Variants in ZACN observed in about 807,000 individuals in gnomAD.
ZACN encodes the protein zinc activated ion channel.
ZACN carries 52 observed loss-of-function variants against 38.9 expected under a neutral mutation model. That is an observed-to-expected ratio of 1.34 (90% CI 1.07 to 1.68). The LOEUF (loss-of-function observed/expected upper bound fraction) is 1.68, where lower values mean the gene tolerates loss of function less well. ZACN is among the 40% of genes most tolerant of loss of function. The pLI, the probability that ZACN is intolerant of heterozygous loss-of-function variation, is 0.00. For missense variants in ZACN, 559 were observed against 525.6 expected (o/e 1.06, Z -0.62); for synonymous variants, 235 against 227.4 (o/e 1.03, Z -0.30).
chr17:76,080,204 G>A (rs1238685116), intron 4 of ZACN, 51 bp from the exon 5 acceptor site: 9 of 1,563,106 alleles, frequency 5.8e-6, no homozygotes, highest in Non-Finnish European at 6.9e-6. Flanking sequence ...TCTCCCCCCG[G>A]CCCCGTCCAA....
chr17:76,082,101 T>TG (rs2067008582), intron 8 of ZACN, 52 bp downstream of exon 8: 4 of 1,536,284 alleles, frequency 2.6e-6, no homozygotes, highest in Non-Finnish European at 3.5e-6. Context: ...CACCTAGGGC[T>TG]GGGGTGAGGG....
intron 8 of ZACN, 179 bp downstream of exon 8, chr17:76,082,228 C>A (rs2067012815): frequency 1.2e-6 from 1 of 841,184 alleles, no homozygotes; most frequent in Non-Finnish European, 1.8e-6. Context: ...AGGGAGCAAG[C>A]TGAGCCTCCC....
At chr17:76,081,820 G>A (rs750555414) in intron 7 of ZACN, 62 bp from the exon 8 acceptor site, 51 of 1,610,806 alleles carry the variant, frequency 3.2e-5, no homozygotes, top group African/African-American at 6.7e-5. Context: ...TGCTCAGCTC[G>A]CTGGGCACCA....
chr17:76,082,130 G>C (rs2144571761), intron 8 of ZACN, 81 bp downstream of exon 8: 1 of 1,472,752 alleles, frequency 6.8e-7, no homozygotes, highest in Non-Finnish European at 9.1e-7. Context: ...TCCAGGTGTG[G>C]GTAGAGGCCC....
rs1436323690 is a variant in ZACN, at chr17:76,081,538, C to T, written c.670-7C>T. ...CGCCGGGAAGGCCCTGACTTTTCCC[C>T]TTCCAGCTGAGGCTGAAGAACACGG... On this transcript the variant is annotated splice_polypyrimidine_tract_variant and splice_region_variant and intron_variant, in intron 6 of 8. Coordinates refer to ENST00000334586, the MANE Select transcript of ZACN (RefSeq NM_180990.4). 2.5e-6 allele frequency: 4 copies of T among 1,613,126 alleles called. No homozygotes were observed. The Admixed American group carries it at 6.7e-5, about 27-fold the overall frequency.
In ZACN at chr17:76,082,194, C is replaced by T. The variant is rs2067011309; in HGVS notation, c.1048+145C>T. On this transcript the variant is annotated intron_variant, in intron 8 of 8. Coordinates refer to ENST00000334586, the MANE Select transcript of ZACN (RefSeq NM_180990.4). ...CCCTGGTCTCCACCATGTCCTCCTC[C>T]CTTAGAAGAAACAGGTCTGGGGCAG... 10 of 1,087,520 alleles carry T rather than the reference C, an allele frequency of 9.2e-6. No individual in the cohort carries two copies. In the East Asian group the frequency reaches 2.6e-4, roughly 28 times the overall value. The allele number at this position is 1,087,520 out of a possible 1,614,324, so 67.4% of individuals were successfully genotyped here.
intron 4 of ZACN, 100 bp downstream of exon 4, chr17:76,080,094 G>A: frequency 6.8e-7 from 1 of 1,473,506 alleles, no homozygotes; most frequent in Non-Finnish European, 9.2e-7. Context: ...GACCCTCCTG[G>A]CGGTCCCCGC....
At chr17:76,081,139 G>C in intron 5 of ZACN, 139 bp from the exon 6 acceptor site, 1 of 1,231,492 alleles carries the variant, frequency 8.1e-7, no homozygotes, top group South Asian at 1.5e-5. Context: ...CCCTTCTATG[G>C]ATCGGTTTTG....
chr17:76,082,308 C>A, intron 8 of ZACN, 155 bp from the exon 9 acceptor site: 1 of 851,288 alleles, frequency 1.2e-6, no homozygotes, highest in Non-Finnish European at 1.8e-6. Context: ...GTTTCTTCAA[C>A]TGAAGATGGC....
At chr17:76,080,835 C>G (rs902096142) in intron 5 of ZACN, 3 of 473,800 alleles carry the variant, frequency 6.3e-6, no homozygotes, top group Non-Finnish European at 1.3e-5. Flanking sequence ...GTTGCCATGG[C>G]CTCACTCCTG....
chr17:76,079,837 G>A (rs753746098), intron 3 of ZACN, 51 bp from the exon 4 acceptor site: 1 of 1,597,182 alleles, frequency 6.3e-7, no homozygotes, highest in Non-Finnish European at 8.5e-7. Flanking sequence ...TGAGCTTAGG[G>A]GCATGGATAT....
At chr17:76,080,537 G>T (rs1357282054) in intron 5 of ZACN, 113 bp downstream of exon 5, 1 of 1,449,982 alleles carries the variant, frequency 6.9e-7, no homozygotes, top group South Asian at 1.2e-5. Context: ...AAGGGGCAAA[G>T]GCAGACAGAA....
intron 8 of ZACN, 43 bp from the exon 9 acceptor site, chr17:76,082,420 G>A: frequency 6.5e-7 from 1 of 1,543,852 alleles, no homozygotes; most frequent in African/African-American, 1.4e-5. Context: ...CATGTTGAGG[G>A]GACCTTGAAG....
At chr17:76,082,278 C>T (rs776268196) in intron 8 of ZACN, 185 bp from the exon 9 acceptor site, 4 of 778,364 alleles carry the variant, frequency 5.1e-6, no homozygotes, top group Non-Finnish European at 6.0e-6. Context: ...TAACCCATGC[C>T]TTGCACAGCC....
intron 6 of ZACN, 34 bp from the exon 7 acceptor site, chr17:76,081,511 C>A (rs771704797): frequency 3.8e-5 from 62 of 1,610,936 alleles, no homozygotes; most frequent in Admixed American, 1.8e-4. Context: ...CTCCTTCCCC[C>A]CCGCCGGGAA....
intron 4 of ZACN, 124 bp downstream of exon 4, chr17:76,080,118 C>A (rs117934323): frequency 6.9e-7 from 1 of 1,447,138 alleles, no homozygotes; most frequent in Non-Finnish European, 9.3e-7. Context: ...ACTAGCAGTG[C>A]ACCTTCACTG....
Position 76,079,489 on chromosome 17 carries a change from A to G in ZACN, c.148A>G (p.Ile50Val). ...VNLSKKVQES[I>V]QIPNNGSAPL... ...CTTGTCCAAGAAGGTTCAGGAAAGC[A>G]TCCAGATCCCGAACAATGGGAGTGC... Residue 50 changes from isoleucine (I) to valine (V), a missense_variant, in exon 2 of 9, where the codon ATC (isoleucine) becomes GTC (valine). By Grantham distance (29) the Ile-to-Val change is conservative. Coordinates refer to ENST00000334586, the MANE Select transcript of ZACN (RefSeq NM_180990.4). The G allele has an allele frequency of 6.2e-7, 1 of 1,614,206 alleles. No homozygotes were observed. The highest frequency in any genetic ancestry group is 1.1e-5 in the South Asian group (1 of 91,086).
At position 76,081,819 on chromosome 17, in the gene ZACN, C is replaced by T. The variant is rs925182032; in HGVS notation, c.881-63C>T. ...CCCGGTCACCCACTGGTGCTCAGCT[C>T]GCTGGGCACCAGAGACACAGGGACT... On this transcript the variant is annotated intron_variant, in intron 7 of 8. Coordinates refer to ENST00000334586, the MANE Select transcript of ZACN (RefSeq NM_180990.4). 1.2e-5 allele frequency: 19 copies of T among 1,610,188 alleles called. No homozygotes were observed. In the African/African-American group the frequency reaches 1.2e-4, roughly 10 times the overall value.
chr17:76,082,006 G>C lies in ZACN; in HGVS notation c.1005G>C (p.Gly335=), dbSNP rs751514593. ...GCGGCCCCAGCCCAGCCCCGAGAGG[G>C]GAACAGCGAGAGCACGGCAACCCAG... ...AKSGPSPAPR[G]EQREHGNPGP... The change falls in exon 8 of 9, where the codon GGG becomes GGC. Residue 335 remains glycine (G), a synonymous_variant. Transcript: ENST00000334586. 6.2e-6 allele frequency: 10 copies of C among 1,611,582 alleles called. No individual in the cohort carries two copies. The South Asian group carries it at 1.1e-4, about 18-fold the overall frequency.
Sources: gnomAD v4.1 joint callset for allele counts on GRCh38, gnomAD v4.1.1 for gene constraint, MANE v1.5 for transcripts, NCBI Gene and HGNC (gene_info 2026-07-23, HGNC 2026-07-21) for gene names.